OTUD7B: variants seen among roughly 807,000 people sequenced by gnomAD.
The protein encoded by OTUD7B is OTU domain-containing protein 7B.
OTUD7B carries 34 observed loss-of-function variants against 82.2 expected under a neutral mutation model. That is an observed-to-expected ratio of 0.41 (90% CI 0.31 to 0.55). The LOEUF is 0.55. Ranked by LOEUF, OTUD7B falls within the 20% of genes least tolerant of loss-of-function variation. OTUD7B has a pLI of 0.20. For synonymous variants in OTUD7B, 398 were observed against 402.7 expected, an observed-to-expected ratio of 0.99 and a Z score of 0.14; for missense variants, 944 against 1,062.1, an observed-to-expected ratio of 0.89 and a Z score of 1.55.
the OTUD7B span, among the ~76,000 whole-genome samples, chr1:150,065,843 CA>C: frequency 1.3e-5 from 2 of 152,094 alleles, no homozygotes; most frequent in African/African-American, 4.8e-5. Flanking sequence ...TTATTTTGTT[CA>C]AAATGTTTAT....
the OTUD7B span, among the ~76,000 whole-genome samples, chr1:150,028,975 G>T: frequency 1.3e-5 from 2 of 151,906 alleles, no homozygotes; most frequent in South Asian, 4.1e-4. Flanking sequence ...TTTTAAGGCT[G>T]AATAATATTC....
At chr1:150,028,724 G>T in the OTUD7B span, among the ~76,000 whole-genome samples, 1 of 152,190 alleles carries the variant, frequency 6.6e-6, no homozygotes, top group South Asian at 2.1e-4. Flanking sequence ...AGGCTGGAGT[G>T]CAATGGCACA....
At chr1:150,045,696 C>T in the OTUD7B span, among the ~76,000 whole-genome samples, 1 of 152,174 alleles carries the variant, frequency 6.6e-6, no homozygotes, top group Non-Finnish European at 1.5e-5. Context: ...CAGTCCTACA[C>T]ATATTAAATA....
intron 3 of OTUD7B, among the ~76,000 whole-genome samples, chr1:149,970,545 C>T (rs1291387451): frequency 1.3e-5 from 2 of 152,042 alleles, no homozygotes; most frequent in Admixed American, 6.5e-5. Flanking sequence ...TCTCGAACTC[C>T]TGACCTCAGG....
chr1:149,982,365 C>T (rs1553779903), intron 1 of OTUD7B, among the ~76,000 whole-genome samples: 1 of 152,066 alleles, frequency 6.6e-6, no homozygotes, highest in East Asian at 1.9e-4. Context: ...ATTCCTGGAA[C>T]TCCCCTGATT....
At chr1:150,063,535 G>C in the OTUD7B span, among the ~76,000 whole-genome samples, 1 of 152,162 alleles carries the variant, frequency 6.6e-6, no homozygotes, top group African/African-American at 2.4e-5. Flanking sequence ...GCTACAAATG[G>C]TGAACTTATT....
the OTUD7B span, among the ~76,000 whole-genome samples, chr1:150,046,217 G>A: frequency 1.3e-4 from 19 of 151,994 alleles, no homozygotes; most frequent in Admixed American, 1.1e-3. Flanking sequence ...AAGTTGAAGG[G>A]AGAAATGCAA....
intron 2 of OTUD7B, among the ~76,000 whole-genome samples, chr1:149,975,266 T>G (rs1218429276): frequency 1.3e-5 from 2 of 152,230 alleles, no homozygotes; most frequent in Non-Finnish European, 2.9e-5. Context: ...CTTTCTTCAC[T>G]CTCACAGCAC....
chr1:150,041,203 C>A, the OTUD7B span, among the ~76,000 whole-genome samples: 3 of 151,904 alleles, frequency 2.0e-5, no homozygotes, highest in Non-Finnish European at 4.4e-5. Flanking sequence ...TTGTTATATA[C>A]TTAGATAAAT....
chr1:149,956,419 G>A (rs1431076875), intron 7 of OTUD7B, among the ~76,000 whole-genome samples: 1 of 151,708 alleles, frequency 6.6e-6, no homozygotes, highest in Non-Finnish European at 1.5e-5. Context: ...TAGTCTGATG[G>A]GCTTCCCTTT....
the OTUD7B span, among the ~76,000 whole-genome samples, chr1:150,057,327 G>A: frequency 4.6e-5 from 7 of 152,180 alleles, no homozygotes; most frequent in Admixed American, 4.6e-4. Flanking sequence ...TTGGTAAAGA[G>A]TATAAGGGAA....
At chr1:150,012,562 G>A (rs1295952379), upstream of OTUD7B, among the ~76,000 whole-genome samples, 3 of 152,030 alleles carry the variant, frequency 2.0e-5, no homozygotes, top group South Asian at 2.1e-4. Context: ...TAATCTTAAC[G>A]CCACTGCCAC....
chr1:150,042,169 TCCTC>T, the OTUD7B span, among the ~76,000 whole-genome samples: 77 of 114,528 alleles, frequency 6.7e-4, no homozygotes, highest in African/African-American at 2.8e-3. Context: ...CTTCCTTCCT[TCCTC>T]CCTCCCTTCC....
chr1:150,050,178 AG>A, the OTUD7B span, among the ~76,000 whole-genome samples: 3 of 152,108 alleles, frequency 2.0e-5, no homozygotes, highest in Non-Finnish European at 4.4e-5. Context: ...TGGGCAATCC[AG>A]GGAGACCCTG....
intron 1 of OTUD7B, among the ~76,000 whole-genome samples, chr1:149,983,658 G>C (rs1650941506): frequency 6.6e-6 from 1 of 152,058 alleles, no homozygotes; most frequent in African/African-American, 2.4e-5. Context: ...TGCTACAGGA[G>C]GATGAAGAGA....
the OTUD7B span, chr1:150,067,563 A>C: frequency 2.5e-6 from 1 of 392,546 alleles, no homozygotes; most frequent in Non-Finnish European, 4.6e-6. Flanking sequence ...CCAAAGGGCA[A>C]TAGGGGTCTG....
chr1:149,980,765 C>A (rs959428794), intron 1 of OTUD7B, among the ~76,000 whole-genome samples: 35 of 152,238 alleles, frequency 2.3e-4, no homozygotes, highest in African/African-American at 8.4e-4. Flanking sequence ...GTAATCCCAG[C>A]ACTTTGAGAG....
chr1:150,014,380 C>CA (rs1468799866), upstream of OTUD7B, among the ~76,000 whole-genome samples: 4 of 102,164 alleles, frequency 3.9e-5, no homozygotes, highest in African/African-American at 1.6e-4. Flanking sequence ...GCCTGGGTGA[C>CA]AGAGAGAAAG....
chr1:150,057,150 CTAA>C, the OTUD7B span, among the ~76,000 whole-genome samples: 1 of 152,088 alleles, frequency 6.6e-6, no homozygotes. Context: ...CAATCTCAAT[CTAA>C]TAATGAGAAA....
Sources: allele counts gnomAD v4.1 joint callset (sites outside exome capture counted in the v4.1 genomes callset), GRCh38; gene constraint gnomAD v4.1.1; transcripts MANE v1.5; gene names NCBI Gene and HGNC (gene_info 2026-07-23, HGNC 2026-07-21).